The following FNIP1 variants were observed in gnomAD, a reference collection of about 807,000 sequenced individuals.
The protein encoded by FNIP1 is folliculin-interacting protein 1.
Under a neutral mutation model 124.5 loss-of-function variants are expected in FNIP1, and 40 were observed. The ratio of observed to expected loss-of-function variants is 0.32; its 90% CI spans 0.25 to 0.42. The LOEUF is 0.42. Ranked by LOEUF, FNIP1 falls within the 10% of genes least tolerant of loss-of-function variation. The pLI, the probability that FNIP1 is intolerant of heterozygous loss-of-function variation, is 1.00. For synonymous variants in FNIP1, 472 were observed against 470.6 expected, an observed-to-expected ratio of 1.00 and a Z score of -0.04; for missense variants, 1,176 against 1,403.7, an observed-to-expected ratio of 0.84 and a Z score of 2.59.
rs372256229 is a variant in FNIP1 at position 131,710,563 on chromosome 5, C to A, written c.706+15G>T. ...GGGCACACCAACTAGTCTACCCACA[C>A]AGCACATCGCAAACCTGCAAAGAAA... On this transcript the variant is annotated intron_variant, in intron 7 of 17. Transcript: ENST00000510461. The A allele has an allele frequency of 9.9e-6, 16 of 1,612,518 alleles. No individual in the cohort carries two copies. The African/African-American group carries it at 2.0e-4, about 20-fold the overall frequency.
At chr5:131,777,341 T>C (rs1242163710) in intron 1 of FNIP1, among the ~76,000 whole-genome samples, 1 of 151,836 alleles carries the variant, frequency 6.6e-6, no homozygotes, top group African/African-American at 2.4e-5. Flanking sequence ...CCAGTGACAA[T>C]GAAGATCTCT....
intron 15 of FNIP1, among the ~76,000 whole-genome samples, chr5:131,665,131 G>T (rs533951846): frequency 6.6e-6 from 1 of 152,042 alleles, no homozygotes; most frequent in African/African-American, 2.4e-5. Flanking sequence ...ACCACACAGT[G>T]TAAGTCTGGT....
intron 15 of FNIP1, among the ~76,000 whole-genome samples, chr5:131,669,691 AAG>A (rs1247997969): frequency 1.3e-5 from 2 of 152,146 alleles, no homozygotes; most frequent in Non-Finnish European, 2.9e-5. Flanking sequence ...CTAGGAATAA[AAG>A]AGAACTGCCT....
chr5:131,731,125 C>A (rs1401070488), intron 2 of FNIP1, 87 bp from the exon 3 acceptor site: 5 of 1,279,050 alleles, frequency 3.9e-6, no homozygotes, highest in African/African-American at 1.5e-5. Context: ...TTTGGAAAAA[C>A]CAAGAATGAA....
intron 14 of FNIP1, 45 bp from the exon 15 acceptor site, chr5:131,670,676 A>C: frequency 7.3e-7 from 1 of 1,371,626 alleles, no homozygotes; most frequent in South Asian, 1.6e-5. Context: ...AGTAATAAAT[A>C]TATTTAACCA....
At chr5:131,790,951 CAAAGATT>C in intron 1 of FNIP1, among the ~76,000 whole-genome samples, 1 of 152,266 alleles carries the variant, frequency 6.6e-6, no homozygotes, top group East Asian at 1.9e-4. Flanking sequence ...AAGAAGTTAT[CAAAGATT>C]AATGAGGTCA....
chr5:131,657,736 C>CAAAAAAAAAAAAAAAAAAAAAAAA (rs59097834), intron 15 of FNIP1, among the ~76,000 whole-genome samples: 1 of 65,056 alleles, frequency 1.5e-5, no homozygotes, highest in African/African-American at 6.2e-5. Context: ...GAAAATAAGG[C>CAAAAAAAAAAAAAAAAAAAAAAAA]AAAAAAAAAA....
chr5:131,647,757 G>A (rs911150090), intron 16 of FNIP1, among the ~76,000 whole-genome samples: 12 of 152,030 alleles, frequency 7.9e-5, no homozygotes, highest in Non-Finnish European at 1.8e-4. Flanking sequence ...TTACAAGTGT[G>A]AGCCACCATG....
chr5:131,736,585 C>T (rs1770313344), intron 2 of FNIP1, among the ~76,000 whole-genome samples: 1 of 152,220 alleles, frequency 6.6e-6, no homozygotes. Context: ...CGCCTGCACT[C>T]CACCTCCTGT....
At chr5:131,711,175 T>G (rs978907270) in intron 6 of FNIP1, among the ~76,000 whole-genome samples, 1 of 152,178 alleles carries the variant, frequency 6.6e-6, no homozygotes, top group Non-Finnish European at 1.5e-5. Flanking sequence ...AAAATTGGTT[T>G]TTCTAACCCA....
intron 8 of FNIP1, among the ~76,000 whole-genome samples, chr5:131,708,062 T>G (rs1769172892): frequency 6.6e-6 from 1 of 152,158 alleles, no homozygotes; most frequent in Non-Finnish European, 1.5e-5. Context: ...CAAGCTACTC[T>G]TATTAGAGTA....
chr5:131,731,545 T>C (rs186401773), intron 2 of FNIP1, among the ~76,000 whole-genome samples: 9 of 152,138 alleles, frequency 5.9e-5, no homozygotes, highest in African/African-American at 1.9e-4. Context: ...TCCCAGCTTC[T>C]TGGGAGGATG....
intron 1 of FNIP1, among the ~76,000 whole-genome samples, chr5:131,788,019 C>A (rs148594534): frequency 6.6e-6 from 1 of 152,004 alleles, no homozygotes; most frequent in African/African-American, 2.4e-5. Flanking sequence ...GAGGGGAACA[C>A]AGAACACACA....
chr5:131,677,984 AC>A lies in FNIP1; in HGVS notation c.1350-113del. ...ATATATGTTCATGTGGCCAAATGGCACCAAAAAAAGGAGAAGAGAGAGGAAA... is the reference window on the plus strand; with the variant it reads ...ATATATGTTCATGTGGCCAAATGGCACAAAAAAAGGAGAAGAGAGAGGAAA... On this transcript the variant is annotated intron_variant, in intron 12 of 17. Transcript: ENST00000510461. The A allele has an allele frequency of 3.9e-6, 4 of 1,020,060 alleles. No individual in the cohort carries two copies. The Admixed American group carries it at 8.1e-5, about 21-fold the overall frequency. The allele number at this position is 1,020,060 out of a possible 1,614,324, so 63.2% of individuals were successfully genotyped here.
chr5:131,642,620 A>G lies in FNIP1; in HGVS notation c.*2065T>C, dbSNP rs1165556971. ...CACAGTGGCTCACGCCTGTAATCCC[A>G]GTACTTTGGGAGGTCGAGGCAGGTG... On this transcript the variant is annotated 3_prime_UTR_variant, in exon 18 of 18. Transcript: ENST00000510461. 6.6e-6 allele frequency: 1 copy of G among 152,404 alleles called. No homozygotes were observed. Among genetic ancestry groups the G allele is most frequent in the Non-Finnish European group, 1.5e-5 (1 of 68,238 alleles). The allele number at this position is 152,404 out of a possible 1,614,324, so 9.4% of individuals were successfully genotyped here.
chr5:131,756,462 G>GA (rs1182923442), intron 1 of FNIP1, among the ~76,000 whole-genome samples: 2 of 151,928 alleles, frequency 1.3e-5, no homozygotes, highest in East Asian at 3.9e-4. Flanking sequence ...TAATATAAAG[G>GA]AAAAAAGGCA....
Position 131,784,986 on chromosome 5 carries a change from C to CATATATATATGATATATATGACT in FNIP1, c.92+11821_92+11843dup, listed in dbSNP as rs150545536. Among the ~76,000 whole-genome samples the CATATATATATGATATATATGACT allele has an allele frequency of 7.5e-4, 103 of 137,930 alleles. 1 individual carries two copies. Among genetic ancestry groups the CATATATATATGATATATATGACT allele is most frequent in the Admixed American group, 1.1e-3 (15 of 13,460 alleles). The allele number at this position is 137,930 out of a possible 152,430, so 90.5% of individuals were successfully genotyped here. A position where few individuals can be genotyped will look rare whatever the true frequency, so the allele number is the denominator to read the frequency against. ...AAATTTCTTATAACTATATATATATCATATATATATGATATATATGACTAT... is the reference window on the plus strand; with the variant it reads ...AAATTTCTTATAACTATATATATATCATATATATATGATATATATGACTATATATATATGATATATATGACTAT... On this transcript the variant is annotated intron_variant, in intron 1 of 17. Coordinates refer to ENST00000510461, the MANE Select transcript of FNIP1 (RefSeq NM_133372.3).
At chr5:131,795,031 C>T (rs931800553) in intron 1 of FNIP1, among the ~76,000 whole-genome samples, 2 of 151,960 alleles carry the variant, frequency 1.3e-5, no homozygotes, top group Admixed American at 1.3e-4. Context: ...TTTAAAAAAC[C>T]CTGGGTTGAT....
intron 11 of FNIP1, among the ~76,000 whole-genome samples, chr5:131,692,434 T>C (rs1205864740): frequency 3.3e-5 from 5 of 152,042 alleles, no homozygotes; most frequent in African/African-American, 9.7e-5. Context: ...ATAGTTTCCA[T>C]GGTAATGAAT....
Sources: gnomAD v4.1 joint callset for allele counts (sites outside exome capture counted in the v4.1 genomes callset) on GRCh38, gnomAD v4.1.1 for gene constraint, MANE v1.5 for transcripts, NCBI Gene and HGNC (gene_info 2026-07-23, HGNC 2026-07-21) for gene names.